The following SNTA1 variants were observed in gnomAD, a reference collection of about 807,000 sequenced individuals.
The protein encoded by SNTA1 is alpha-1-syntrophin.
A neutral mutation model predicts 47.1 loss-of-function variants in SNTA1; 31 were observed. That is an observed-to-expected ratio of 0.66 (90% confidence interval 0.49 to 0.89). The LOEUF is 0.89. Among genes scored for constraint, SNTA1 ranks in the 40% least tolerant of loss-of-function variants. SNTA1 has a pLI of 0.00. For missense variants in SNTA1, 575 were observed against 693.0 expected (o/e 0.83, Z 1.91); for synonymous variants, 300 against 313.6 (o/e 0.96, Z 0.46).
intron 2 of SNTA1, among the ~76,000 whole-genome samples, chr20:33,433,864 G>A (rs1990370028): frequency 6.6e-6 from 1 of 152,180 alleles, no homozygotes; most frequent in Admixed American, 6.5e-5. Flanking sequence ...TAGAAGAAAT[G>A]TTCTAGGAGG....
In SNTA1 at chr20:33,408,866, G is replaced by C. The variant is rs1407529420; in HGVS notation, c.1260C>G (p.Pro420=). The C allele has an allele frequency of 1.9e-6, 3 of 1,614,136 alleles. No homozygotes were observed. Among genetic ancestry groups the C allele is most frequent in the Non-Finnish European group, 2.5e-6 (3 of 1,180,026 alleles). Residue 420 remains proline (P), a synonymous_variant, in exon 7 of 8, where the codon CCC becomes CCG. Coordinates refer to ENST00000217381, the MANE Select transcript of SNTA1 (RefSeq NM_003098.3). ...VSTACTWNGR[P]CSLSVHIDKG... is the part of the protein sequence containing the mutation. The stretch of plus-strand genomic sequence containing the variant: ...TGTCGATGTGCACAGACAGGCTGCA[G>C]GGACGCCCATTCCACGTGCAGGCTG...
At chr20:33,428,660 T>C (rs922698470) in intron 2 of SNTA1, among the ~76,000 whole-genome samples, 1 of 152,074 alleles carries the variant, frequency 6.6e-6, no homozygotes, top group African/African-American at 2.4e-5. Context: ...GGTACAGCCT[T>C]GAACTCCTGG....
At chr20:33,425,644 A>G (rs1034483793) in intron 2 of SNTA1, among the ~76,000 whole-genome samples, 1 of 152,172 alleles carries the variant, frequency 6.6e-6, no homozygotes, top group African/African-American at 2.4e-5. Context: ...CCTGGGCCAC[A>G]CAGTGAGAAC....
chr20:33,419,889 G>A (rs6059312), intron 2 of SNTA1, among the ~76,000 whole-genome samples: 3 of 152,034 alleles, frequency 2.0e-5, no homozygotes, highest in African/African-American at 4.8e-5. Context: ...GTTGCTGGGA[G>A]GGAGCTTGTT....
chr20:33,439,720 C>T (rs1990533593), intron 1 of SNTA1, among the ~76,000 whole-genome samples: 1 of 152,200 alleles, frequency 6.6e-6, no homozygotes, highest in Admixed American at 6.5e-5. Flanking sequence ...CAAAGTGGCT[C>T]ACACCTGTAA....
At chr20:33,436,230 G>T (rs978537805) in intron 2 of SNTA1, among the ~76,000 whole-genome samples, 1 of 152,096 alleles carries the variant, frequency 6.6e-6, no homozygotes, top group Non-Finnish European at 1.5e-5. Context: ...ATAAAGATGA[G>T]GAGGTGAGGG....
intron 2 of SNTA1, among the ~76,000 whole-genome samples, chr20:33,436,982 A>G (rs1990456635): frequency 7.4e-6 from 1 of 134,634 alleles, no homozygotes; most frequent in Non-Finnish European, 1.6e-5. Flanking sequence ...AAAAAAAAAA[A>G]AGCTAGGCGC....
intron 2 of SNTA1, among the ~76,000 whole-genome samples, chr20:33,425,346 G>T (rs1251865295): frequency 1.3e-5 from 2 of 152,122 alleles, no homozygotes; most frequent in Non-Finnish European, 2.9e-5. Flanking sequence ...GGGCTTCTCA[G>T]TGTGGAGCAA....
At chr20:33,443,193 C>T (rs988473919) in intron 1 of SNTA1, 118 bp downstream of exon 1, 71 of 722,684 alleles carry the variant, frequency 9.8e-5, no homozygotes, top group Non-Finnish European at 1.4e-4. Flanking sequence ...TTCCTCAGAC[C>T]CCCCTTACCC....
intron 3 of SNTA1, among the ~76,000 whole-genome samples, chr20:33,413,738 G>A (rs543939330): frequency 6.6e-6 from 1 of 150,832 alleles, no homozygotes; most frequent in African/African-American, 2.4e-5. Flanking sequence ...GACCAGCCTG[G>A]ACAACAAAGT....
rs371028127 is a variant in SNTA1, at chr20:33,412,668, C to T, written c.816G>A (p.Thr272=). The change falls in exon 4 of 8, where the codon ACG becomes ACA. Residue 272 remains threonine (T), a synonymous_variant. Transcript: ENST00000217381. ...CCTGCAGCTCATCCTTGACCCGCGGCGTCAGAGTATTGACCTGGGCTTGGA... is the reference window on the plus strand; with the variant it reads ...CCTGCAGCTCATCCTTGACCCGCGGTGTCAGAGTATTGACCTGGGCTTGGA... ...TAIQAQVNTL[T]PRVKDELQAL... 29 of 1,613,774 alleles carry T rather than the reference C, an allele frequency of 1.8e-5. No homozygotes were observed. The East Asian group carries it at 3.3e-4, about 19-fold the overall frequency.
rs1989914504 is a variant in SNTA1 at position 33,417,855 on chromosome 20, A to G, written c.565T>C (p.Ser189Pro). 6.2e-7 allele frequency: 1 copy of G among 1,613,934 alleles called. No homozygotes were observed. The change falls in exon 3 of 8, where the codon TCA (serine) becomes CCA (proline). Residue 189 changes from serine (S) to proline (P), a missense_variant. Physicochemically the swap from Ser to Pro is moderately conservative, Grantham distance 74. Coordinates refer to ENST00000217381, the MANE Select transcript of SNTA1 (RefSeq NM_003098.3). ...CGCTGAAGGGGTGAGGCAGGAGGTG[A>G]GTCCCAGCCGACCGAGGTCCCACCA... ...STGGTSVGWD[S>P]PPASPLQRQP...
intron 2 of SNTA1, among the ~76,000 whole-genome samples, chr20:33,424,367 C>T (rs1990111936): frequency 6.6e-6 from 1 of 151,270 alleles, no homozygotes; most frequent in Admixed American, 6.6e-5. Context: ...TTGACATATA[C>T]CAAGTAAGCA....
At position 33,417,836 on chromosome 20, in the gene SNTA1, AG is replaced by A. The variant is rs1443071118; in HGVS notation, c.583del (p.Leu195PhefsTer23). ...VGWDSPPASP[L>X]QRQPSSPGPT... The stretch of plus-strand genomic sequence containing the variant: ...GCCAGGGGAGGAAGGCTGCCGCTGA[AG>A]GGGTGAGGCAGGAGGTGAGTCCCAG... On this transcript the variant is annotated frameshift_variant, in exon 3 of 8. Transcript: ENST00000217381. LOFTEE classifies it high-confidence loss of function. The A allele has an allele frequency of 6.2e-7, 1 of 1,613,990 alleles. No homozygotes were observed. The highest frequency in any genetic ancestry group is 8.5e-7 in the Non-Finnish European group (1 of 1,179,884).
chr20:33,422,195 A>C (rs1359467572), intron 2 of SNTA1, among the ~76,000 whole-genome samples: 1 of 152,120 alleles, frequency 6.6e-6, no homozygotes, highest in Admixed American at 6.6e-5. Flanking sequence ...TAATCCCAGC[A>C]CTTGGGAGGC....
At position 33,408,564 on chromosome 20, in the gene SNTA1, G is replaced by T. The variant is rs757407908; in HGVS notation, c.1461C>A (p.Val487=). The change falls in exon 8 of 8, where the codon GTC becomes GTA. Residue 487 remains valine, a synonymous_variant. Transcript: ENST00000217381. Reference sequence around the variant, plus strand: ...CCGACAGGAAGGAGTGGATGATGAAGACTATGGTTTTGGGACACGAGTGCA... The same window carrying T: ...CCGACAGGAAGGAGTGGATGATGAATACTATGGTTTTGGGACACGAGTGCA... The part of the protein sequence containing the change: ...LDLHSCPKTI[V]FIIHSFLSAK... 6.2e-7 allele frequency: 1 copy of T among 1,614,196 alleles called. No individual in the cohort carries two copies. Among genetic ancestry groups the T allele is most frequent in the African/African-American group, 1.3e-5 (1 of 75,060 alleles).
chr20:33,415,686 G>C (rs1367953293), intron 3 of SNTA1, among the ~76,000 whole-genome samples: 1 of 151,694 alleles, frequency 6.6e-6, no homozygotes, highest in Non-Finnish European at 1.5e-5. Flanking sequence ...AGCTACTCAG[G>C]AGGCTGAGGC....
chr20:33,421,414 C>T (rs774521748), intron 2 of SNTA1, among the ~76,000 whole-genome samples: 3 of 151,776 alleles, frequency 2.0e-5, no homozygotes, highest in Non-Finnish European at 2.9e-5. Flanking sequence ...GAGTTCAAGA[C>T]CACCTGGCCA....
intron 5 of SNTA1, among the ~76,000 whole-genome samples, chr20:33,412,083 G>A (rs764292224): frequency 1.3e-5 from 2 of 152,214 alleles, no homozygotes; most frequent in Non-Finnish European, 2.9e-5. Context: ...AAGTGTCAGC[G>A]AATGAGTGGC....
Sources: gnomAD v4.1 joint callset for allele counts (sites outside exome capture counted in the v4.1 genomes callset) on GRCh38, gnomAD v4.1.1 for gene constraint, MANE v1.5 for transcripts, NCBI Gene and HGNC (gene_info 2026-07-23, HGNC 2026-07-21) for gene names.